Variants in RRP1 observed in about 807,000 individuals in gnomAD.
RRP1 encodes the protein ribosomal RNA processing 1, also known as ribosomal RNA processing protein 1 homolog A.
A neutral mutation model predicts 54.6 loss-of-function variants in RRP1; 37 were observed. The observed-to-expected ratio is 0.68, with a 90% CI of 0.52 to 0.89. The LOEUF (loss-of-function observed/expected upper bound fraction) is 0.89, where lower values mean the gene tolerates loss of function less well. Among genes scored for constraint, RRP1 ranks in the 40% least tolerant of loss-of-function variants. The pLI is 0.00. For missense variants in RRP1, 639 were observed against 612.5 expected (o/e 1.04, Z -0.46); for synonymous variants, 262 against 244.3 (o/e 1.07, Z -0.67).
rs1443408080 is a variant in RRP1 at position 43,803,684 on chromosome 21, GAGA to G, written c.1299_1301del (p.Arg435del). 6.4e-7 allele frequency: 1 copy of G among 1,553,252 alleles called. No homozygotes were observed. Among genetic ancestry groups the G allele is most frequent in the South Asian group, 1.2e-5 (1 of 84,298 alleles). On this transcript the variant is annotated inframe_deletion, in exon 13 of 13. Coordinates refer to ENST00000497547, the MANE Select transcript of RRP1 (RefSeq NM_003683.6). ...GCCGTGGCCAGAGAGGGGCTCGCCA[GAGA>G]AGGAGGACACCTCGGCCCCTGACCA...
intron 4 of RRP1, among the ~76,000 whole-genome samples, chr21:43,794,883 C>T (rs1052967145): frequency 6.6e-6 from 1 of 152,208 alleles, no homozygotes; most frequent in African/African-American, 2.4e-5. Flanking sequence ...GTTTCAGCCC[C>T]GGTTTATGGA....
At chr21:43,791,647 T>C (rs762666427) in intron 2 of RRP1, among the ~76,000 whole-genome samples, 1 of 152,052 alleles carries the variant, frequency 6.6e-6, no homozygotes, top group Admixed American at 6.6e-5. Flanking sequence ...GGAGTACAGG[T>C]ACCTGCCACC....
At chr21:43,802,815 G>A (rs67083338) in intron 12 of RRP1, among the ~76,000 whole-genome samples, 7,890 of 152,316 alleles carry the variant, frequency 0.052, 276 homozygotes, top group South Asian at 0.15. Context: ...GCTGCCTTCC[G>A]TGTTGGGCCT....
At chr21:43,793,922 G>T (rs918017227) in intron 4 of RRP1, among the ~76,000 whole-genome samples, 1 of 152,140 alleles carries the variant, frequency 6.6e-6, no homozygotes, top group African/African-American at 2.4e-5. Flanking sequence ...GCGTGTTGCT[G>T]CCCGGACCTG....
At chr21:43,793,984 A>C (rs1269011435) in intron 4 of RRP1, among the ~76,000 whole-genome samples, 4 of 152,032 alleles carry the variant, frequency 2.6e-5, no homozygotes, top group Non-Finnish European at 5.9e-5. Flanking sequence ...CTCGTTACTA[A>C]GGTGGTGGTC....
chr21:43,795,282 C>T (rs772609748), intron 5 of RRP1, 32 bp downstream of exon 5: 22 of 1,607,450 alleles, frequency 1.4e-5, no homozygotes, highest in Middle Eastern at 3.3e-4. Flanking sequence ...TCTGGGGGGA[C>T]GCTGTTCTCG....
chr21:43,800,160 AAAATTGATC>A (rs2085070530), intron 9 of RRP1, among the ~76,000 whole-genome samples: 1 of 144,308 alleles, frequency 6.9e-6, no homozygotes. Flanking sequence ...ATCTTGGGTT[AAAATTGATC>A]AATTTAACCT....
chr21:43,795,114 G>A, intron 4 of RRP1, 75 bp from the exon 5 acceptor site: 1 of 1,355,520 alleles, frequency 7.4e-7, no homozygotes, highest in Non-Finnish European at 1.1e-6. Context: ...GCAGCGGATG[G>A]TGGTACATGG....
Position 43,803,811 on chromosome 21 carries a change from G to C in RRP1, c.*37G>C, listed in dbSNP as rs1479960939. 1.3e-6 allele frequency: 2 copies of C among 1,527,376 alleles called. No homozygotes were observed. Among genetic ancestry groups the C allele is most frequent in the Non-Finnish European group, 1.8e-6 (2 of 1,132,786 alleles). 94.6% of individuals were successfully genotyped at this position (1,527,376 alleles called of 1,614,324 possible). A position where few individuals can be genotyped will look rare whatever the true frequency, so the allele number is the denominator to read the frequency against. ...CAAGGACAGGCAGGGAGGGAGGCCA[G>C]GCCTCGCTTGCACCGCGGGACGAGG... On this transcript the variant is annotated 3_prime_UTR_variant, in exon 13 of 13. Transcript: ENST00000497547.
Position 43,803,794 on chromosome 21 carries a change from G to C in RRP1, c.*20G>C, listed in dbSNP as rs550376441. On this transcript the variant is annotated 3_prime_UTR_variant, in exon 13 of 13. Coordinates refer to ENST00000497547, the MANE Select transcript of RRP1 (RefSeq NM_003683.6). ...GAGTGATGTGGCCGGGCCAAGGACAGGCAGGGAGGGAGGCCAGGCCTCGCT... is the reference window on the plus strand; with the variant it reads ...GAGTGATGTGGCCGGGCCAAGGACACGCAGGGAGGGAGGCCAGGCCTCGCT... The C allele has an allele frequency of 3.2e-6, 5 of 1,551,348 alleles. 1 individual carries two copies. The South Asian group carries it at 4.8e-5, about 15-fold the overall frequency.
chr21:43,791,028 G>A (rs777310231), intron 1 of RRP1: 40 of 488,448 alleles, frequency 8.2e-5, no homozygotes, highest in Non-Finnish European at 1.4e-4. Flanking sequence ...TAACCTTGTG[G>A]CCACTGTCCA....
intron 3 of RRP1, 54 bp downstream of exon 3, chr21:43,792,783 C>T: frequency 6.4e-7 from 1 of 1,568,296 alleles, no homozygotes; most frequent in Non-Finnish European, 8.8e-7. Flanking sequence ...AACCTCTGAG[C>T]ATCAGAGCCA....
At chr21:43,791,819 T>G (rs1011187889) in intron 2 of RRP1, among the ~76,000 whole-genome samples, 6 of 152,190 alleles carry the variant, frequency 3.9e-5, no homozygotes, top group African/African-American at 1.2e-4. Context: ...AACCCAGTTT[T>G]AATATGGCCA....
rs1289237217 is a variant in RRP1, at chr21:43,803,634, G to A, written c.1246G>A (p.Ala416Thr). ...AGEQPGTAER[A>T]LLRDQPRGRG... ...TGAGCAGCCAGGCACAGCTGAGCGG[G>A]CCCTGCTCCGAGATCAGCCCAGGGG... Residue 416 changes from alanine to threonine, a missense_variant, in exon 13 of 13, where the codon GCC becomes ACC. By Grantham distance (58) the Ala-to-Thr change is moderately conservative. Coordinates refer to ENST00000497547, the MANE Select transcript of RRP1 (RefSeq NM_003683.6). The A allele has an allele frequency of 1.3e-6, 2 of 1,550,924 alleles. No homozygotes were observed. The highest frequency in any genetic ancestry group is 1.2e-5 in the South Asian group (1 of 84,118).
At chr21:43,794,894 C>A (rs2085001192) in intron 4 of RRP1, among the ~76,000 whole-genome samples, 1 of 152,178 alleles carries the variant, frequency 6.6e-6, no homozygotes, top group Admixed American at 6.5e-5. Context: ...GGTTTATGGA[C>A]TGGAGTCGTA....
chr21:43,803,198 G>A (rs2085110945), intron 12 of RRP1, among the ~76,000 whole-genome samples: 1 of 152,218 alleles, frequency 6.6e-6, no homozygotes, highest in East Asian at 1.9e-4. Flanking sequence ...TCAGGACCTG[G>A]CACTGCCTGG....
chr21:43,800,910 C>T, intron 11 of RRP1, 29 bp downstream of exon 11: 1 of 1,613,010 alleles, frequency 6.2e-7, no homozygotes. Context: ...CTGACAGTGG[C>T]ACCACCTTGG....
At chr21:43,797,179 G>A (rs2085027797) in intron 5 of RRP1, among the ~76,000 whole-genome samples, 1 of 152,204 alleles carries the variant, frequency 6.6e-6, no homozygotes, top group Non-Finnish European at 1.5e-5. Context: ...TGCACACTCA[G>A]GCCATACGTT....
chr21:43,793,034 T>G (rs2084976521), intron 3 of RRP1: 1 of 555,240 alleles, frequency 1.8e-6, no homozygotes, highest in African/African-American at 1.9e-5. Context: ...TTCCGCCTGA[T>G]GGTCCTGAGG....
Sources: allele counts gnomAD v4.1 joint callset (sites outside exome capture counted in the v4.1 genomes callset), GRCh38; gene constraint gnomAD v4.1.1; transcripts MANE v1.5; gene names NCBI Gene and HGNC (gene_info 2026-07-23, HGNC 2026-07-21).